The following ATP2B2 variants were observed in gnomAD, a reference collection of about 807,000 sequenced individuals.
The protein encoded by ATP2B2 is ATPase plasma membrane Ca2+ transporting 2, also known as plasma membrane calcium-transporting ATPase 2.
A neutral mutation model predicts 120.0 loss-of-function variants in ATP2B2; 15 were observed. The observed-to-expected ratio is 0.12, with a 90% CI of 0.08 to 0.19. The LOEUF (loss-of-function observed/expected upper bound fraction) is 0.19, where lower values mean the gene tolerates loss of function less well. Ranked by LOEUF, ATP2B2 falls within the 10% of genes least tolerant of loss-of-function variation. The pLI, the probability that ATP2B2 is intolerant of heterozygous loss-of-function variation, is 1.00. For synonymous variants in ATP2B2, 694 were observed against 700.3 expected, an observed-to-expected ratio of 0.99 and a Z score of 0.14; for missense variants, 1,045 against 1,719.8, an observed-to-expected ratio of 0.61 and a Z score of 6.94.
At chr3:10,349,289 T>C (rs1166384432) in intron 16 of ATP2B2, among the ~76,000 whole-genome samples, 1 of 151,986 alleles carries the variant, frequency 6.6e-6, no homozygotes, top group African/African-American at 2.4e-5. Context: ...CCTGTCTCTA[T>C]AAAGAATTAA....
intron 2 of ATP2B2, among the ~76,000 whole-genome samples, chr3:10,596,271 G>A (rs1467590668): frequency 6.6e-6 from 1 of 152,212 alleles, no homozygotes; most frequent in Non-Finnish European, 1.5e-5. Flanking sequence ...CAACTGAGTT[G>A]ATTTAGTAGT....
intron 2 of ATP2B2, among the ~76,000 whole-genome samples, chr3:10,582,847 C>T (rs562464664): frequency 6.6e-6 from 1 of 152,330 alleles, no homozygotes; most frequent in South Asian, 2.1e-4. Context: ...GGCAGCCACA[C>T]CACATGGCTC....
chr3:10,408,506 G>A (rs1211407142), intron 3 of ATP2B2, among the ~76,000 whole-genome samples: 4 of 152,142 alleles, frequency 2.6e-5, no homozygotes, highest in African/African-American at 4.8e-5. Context: ...AAGAACTTTT[G>A]ATCCCAGTGA....
chr3:10,568,810 G>A (rs540088629), intron 2 of ATP2B2, among the ~76,000 whole-genome samples: 22 of 152,310 alleles, frequency 1.4e-4, no homozygotes, highest in Middle Eastern at 6.8e-3. Flanking sequence ...TGCTCAGAAT[G>A]CAGACAAGCA....
intron 9 of ATP2B2, 45 bp downstream of exon 9, chr3:10,379,198 A>T (rs2061461971): frequency 6.3e-7 from 1 of 1,598,794 alleles, no homozygotes; most frequent in East Asian, 2.2e-5. Flanking sequence ...GCCGGTGGGG[A>T]GGGGCCTCAG....
chr3:10,528,566 A>G (rs1575462463), intron 3 of ATP2B2, among the ~76,000 whole-genome samples: 1 of 152,280 alleles, frequency 6.6e-6, no homozygotes, highest in East Asian at 1.9e-4. Flanking sequence ...CACTTTCCAC[A>G]TGAGCAAGTT....
At chr3:10,588,865 T>G (rs2068577171) in intron 2 of ATP2B2, among the ~76,000 whole-genome samples, 1 of 152,150 alleles carries the variant, frequency 6.6e-6, no homozygotes, top group Non-Finnish European at 1.5e-5. Context: ...CAACTGGAAA[T>G]AGCCTCCCTT....
intron 3 of ATP2B2, among the ~76,000 whole-genome samples, chr3:10,532,727 G>A (rs1227316628): frequency 6.6e-6 from 1 of 152,212 alleles, no homozygotes; most frequent in Non-Finnish European, 1.5e-5. Flanking sequence ...AAACTTTAGC[G>A]AAGCAAGAGG....
intron 2 of ATP2B2, among the ~76,000 whole-genome samples, chr3:10,588,347 G>C (rs1017095869): frequency 6.6e-6 from 1 of 152,186 alleles, no homozygotes; most frequent in African/African-American, 2.4e-5. Context: ...GAGGAGGAGA[G>C]GGAATATTTG....
At chr3:10,512,843 C>T (rs563088825) in intron 3 of ATP2B2, among the ~76,000 whole-genome samples, 2 of 152,330 alleles carry the variant, frequency 1.3e-5, no homozygotes, top group South Asian at 4.1e-4. Flanking sequence ...GAGCTGGAGT[C>T]TGGTGGCCCT....
At chr3:10,571,301 G>A (rs1471010244) in intron 2 of ATP2B2, among the ~76,000 whole-genome samples, 1 of 152,248 alleles carries the variant, frequency 6.6e-6, no homozygotes, top group Admixed American at 6.5e-5. Context: ...GGACTGCCTG[G>A]TGGTGCCAGG....
intron 1 of ATP2B2, among the ~76,000 whole-genome samples, chr3:10,691,200 CAG>C (rs1429019353): frequency 2.6e-5 from 4 of 152,202 alleles, no homozygotes; most frequent in Admixed American, 2.6e-4. Flanking sequence ...CTTGGAGCCT[CAG>C]GGGTCTTGTC....
At chr3:10,504,767 T>C (rs1432027012) in intron 1 of ATP2B2, among the ~76,000 whole-genome samples, 1 of 152,134 alleles carries the variant, frequency 6.6e-6, no homozygotes, top group Admixed American at 6.5e-5. Flanking sequence ...CCACTGAGGC[T>C]GGCCTAGGAA....
At chr3:10,485,203 T>C (rs771990602) in intron 1 of ATP2B2, among the ~76,000 whole-genome samples, 23 of 152,238 alleles carry the variant, frequency 1.5e-4, no homozygotes, top group Non-Finnish European at 2.9e-4. Flanking sequence ...AAATCAGCAC[T>C]TACTATGTGC....
intron 1 of ATP2B2, among the ~76,000 whole-genome samples, chr3:10,658,198 C>T (rs1035518667): frequency 1.3e-5 from 2 of 152,210 alleles, no homozygotes; most frequent in African/African-American, 4.8e-5. Flanking sequence ...CTCTTCTCCT[C>T]CAAAGGAACG....
intron 6 of ATP2B2, 190 bp downstream of exon 6, chr3:10,388,087 C>A (rs746848096): frequency 2.6e-6 from 2 of 756,880 alleles, no homozygotes; most frequent in Admixed American, 2.2e-5. Context: ...GAGACTGGGA[C>A]AAGACCTGGA....
At chr3:10,543,817 C>T (rs2067487219) in intron 2 of ATP2B2, among the ~76,000 whole-genome samples, 1 of 151,654 alleles carries the variant, frequency 6.6e-6, no homozygotes, top group South Asian at 2.1e-4. Context: ...CAGCTCACTG[C>T]AACCTCCACC....
At chr3:10,522,453 A>G (rs939351994) in intron 3 of ATP2B2, among the ~76,000 whole-genome samples, 1 of 152,080 alleles carries the variant, frequency 6.6e-6, no homozygotes, top group Non-Finnish European at 1.5e-5. Flanking sequence ...CATCATGCCT[A>G]TCTCCCTTCT....
intron 2 of ATP2B2, among the ~76,000 whole-genome samples, chr3:10,417,467 G>A (rs1202328404): frequency 6.6e-6 from 1 of 152,222 alleles, no homozygotes; most frequent in Non-Finnish European, 1.5e-5. Context: ...CACAGAAGCT[G>A]GACGGCCCAC....
Sources: allele counts gnomAD v4.1 joint callset (sites outside exome capture counted in the v4.1 genomes callset), GRCh38; gene constraint gnomAD v4.1.1; transcripts MANE v1.5; gene names NCBI Gene and HGNC (gene_info 2026-07-23, HGNC 2026-07-21).